Variants in RANBP2 observed in about 807,000 individuals in gnomAD.
RANBP2 encodes E3 SUMO-protein ligase RanBP2.
In RANBP2, 57 loss-of-function variants were observed where a neutral mutation model predicts 303.6. The observed-to-expected ratio is 0.19, with a 90% CI of 0.15 to 0.23. The LOEUF (loss-of-function observed/expected upper bound fraction) is 0.23. Among genes scored for constraint, RANBP2 ranks in the 10% least tolerant of loss-of-function variants. The pLI is 1.00. For synonymous variants in RANBP2, 1,167 were observed against 1,301.5 expected (o/e 0.90, Z 2.23); for missense variants, 3,138 against 3,780.8 (o/e 0.83, Z 4.46).
the RANBP2 span, chr2:109,128,135 G>C: frequency 1.3e-5 from 2 of 152,210 alleles, no homozygotes; most frequent in Non-Finnish European, 2.9e-5. Flanking sequence ...CTTCCCGACG[G>C]GAACGCAAAG....
At chr2:109,047,477 G>A in the RANBP2 span, among the ~76,000 whole-genome samples, 2 of 152,160 alleles carry the variant, frequency 1.3e-5, no homozygotes, top group South Asian at 4.1e-4. Flanking sequence ...TACAAGCAGA[G>A]AAACTGAGGG....
chr2:109,338,599 C>T, the RANBP2 span, among the ~76,000 whole-genome samples: 1 of 152,138 alleles, frequency 6.6e-6, no homozygotes, highest in African/African-American at 2.4e-5. Flanking sequence ...ACTCTGTTGC[C>T]CAGACTGGAA....
At chr2:108,769,627 A>G (rs1677357123) in intron 20 of RANBP2, among the ~76,000 whole-genome samples, 1 of 151,908 alleles carries the variant, frequency 6.6e-6, no homozygotes, top group African/African-American at 2.4e-5. Context: ...ATGTTTAGCC[A>G]CTAACGTCTG....
At chr2:108,812,657 G>A in the RANBP2 span, 1 of 1,612,932 alleles carries the variant, frequency 6.2e-7, no homozygotes. Context: ...AAGAAAACAG[G>A]AAGATAGACA....
the RANBP2 span, among the ~76,000 whole-genome samples, chr2:108,802,772 T>A: frequency 6.6e-6 from 1 of 151,554 alleles, no homozygotes; most frequent in Non-Finnish European, 1.5e-5. Flanking sequence ...GGGTTTGTCA[T>A]AGATAGCTCT....
chr2:109,106,707 G>A, the RANBP2 span, among the ~76,000 whole-genome samples: 5 of 151,830 alleles, frequency 3.3e-5, 1 homozygote, highest in South Asian at 8.3e-4. Context: ...CATGGTGGCG[G>A]GCGCCTGTAG....
At chr2:109,085,933 C>T in the RANBP2 span, among the ~76,000 whole-genome samples, 1 of 152,124 alleles carries the variant, frequency 6.6e-6, no homozygotes, top group Non-Finnish European at 1.5e-5. Flanking sequence ...GTGCACAGTT[C>T]CGTGGCATTA....
the RANBP2 span, among the ~76,000 whole-genome samples, chr2:109,406,673 G>A: frequency 3.9e-5 from 6 of 152,216 alleles, no homozygotes; most frequent in East Asian, 1.9e-4. Flanking sequence ...ATATTGAGGC[G>A]TTCTGACAGA....
the RANBP2 span, among the ~76,000 whole-genome samples, chr2:108,980,727 C>T: frequency 6.6e-6 from 1 of 151,924 alleles, no homozygotes; most frequent in Non-Finnish European, 1.5e-5. Context: ...TGGGCCAGCG[C>T]GTTTTGGGCA....
At chr2:109,257,680 GA>G in the RANBP2 span, among the ~76,000 whole-genome samples, 1 of 152,152 alleles carries the variant, frequency 6.6e-6, no homozygotes. Context: ...GGAAGCCACT[GA>G]CACGTTCATT....
chr2:109,574,575 A>G, the RANBP2 span: 1 of 1,501,488 alleles, frequency 6.7e-7, no homozygotes. Flanking sequence ...CCTTTCCTCA[A>G]CCCACCTTGC....
the RANBP2 span, among the ~76,000 whole-genome samples, chr2:109,318,267 A>G: frequency 5.3e-5 from 8 of 151,974 alleles, no homozygotes; most frequent in Admixed American, 1.3e-4. Flanking sequence ...GCAGCCCCAG[A>G]TGTTCGGGAG....
chr2:108,994,079 A>G, the RANBP2 span, among the ~76,000 whole-genome samples: 1 of 152,170 alleles, frequency 6.6e-6, no homozygotes, highest in Non-Finnish European at 1.5e-5. Context: ...TTAGGATTTC[A>G]ATATATGAAT....
chr2:109,664,970 A>G, the RANBP2 span, among the ~76,000 whole-genome samples: 6 of 152,036 alleles, frequency 3.9e-5, no homozygotes, highest in East Asian at 1.2e-3. Flanking sequence ...CAAAATGACA[A>G]CAACAAAAAA....
chr2:109,358,361 C>T, the RANBP2 span, among the ~76,000 whole-genome samples: 1 of 152,198 alleles, frequency 6.6e-6, no homozygotes, highest in Non-Finnish European at 1.5e-5. Context: ...TCTAAACATC[C>T]ATATGCAGGT....
chr2:109,547,119 T>G, the RANBP2 span, among the ~76,000 whole-genome samples: 1 of 152,208 alleles, frequency 6.6e-6, no homozygotes, highest in African/African-American at 2.4e-5. Context: ...CTTTTGGGCC[T>G]GGAGACTGGT....
the RANBP2 span, among the ~76,000 whole-genome samples, chr2:109,515,722 A>G: frequency 6.6e-6 from 1 of 152,228 alleles, no homozygotes; most frequent in African/African-American, 2.4e-5. Flanking sequence ...ATGGTTCTGC[A>G]GGTTGTACAG....
the RANBP2 span, among the ~76,000 whole-genome samples, chr2:109,524,222 C>T: frequency 6.6e-6 from 1 of 151,490 alleles, no homozygotes; most frequent in Non-Finnish European, 1.5e-5. Flanking sequence ...TGTCCAAAGG[C>T]TCTAGCTGGT....
chr2:109,445,809 G>A, the RANBP2 span, among the ~76,000 whole-genome samples: 1 of 152,044 alleles, frequency 6.6e-6, no homozygotes, highest in Non-Finnish European at 1.5e-5. Context: ...AGTGGGAAGC[G>A]ATACCCCTGA....
Sources: allele counts gnomAD v4.1 joint callset (sites outside exome capture counted in the v4.1 genomes callset), GRCh38; gene constraint gnomAD v4.1.1; transcripts MANE v1.5; gene names NCBI Gene and HGNC (gene_info 2026-07-23, HGNC 2026-07-21).